The following NAXD variants were observed in gnomAD, a reference collection of about 807,000 sequenced individuals.
NAXD encodes the protein ATP-dependent (S)-NAD(P)H-hydrate dehydratase.
In NAXD, 22 loss-of-function variants were observed where a neutral mutation model predicts 35.8. The ratio of observed to expected loss-of-function variants is 0.62; its 90% CI spans 0.44 to 0.88. The LOEUF is 0.88. Among genes scored for constraint, NAXD ranks in the 40% least tolerant of loss-of-function variants. The probability of loss-of-function intolerance (pLI) is 0.00; values close to 1 mark genes in which losing one functional copy is unlikely to be tolerated. For missense variants in NAXD, 428 were observed against 437.7 expected, an observed-to-expected ratio of 0.98 and a Z score of 0.20; for synonymous variants, 189 against 177.6, an observed-to-expected ratio of 1.06 and a Z score of -0.51.
chr13:110,634,767 T>G lies in NAXD; in HGVS notation c.588T>G (p.Tyr196Ter). The change falls in exon 7 of 10, where the codon TAT (tyrosine) becomes TAG (stop). Residue 196 changes from tyrosine to a stop codon, truncating the protein, a stop_gained. Transcript: ENST00000680254. LOFTEE classifies it high-confidence loss of function. Reference sequence around the variant, plus strand: ...ACCACGTGGAGTTCAGCAGACTGTATGACGCTGTGGTGAGTCAGTGGACCC... The same window carrying G: ...ACCACGTGGAGTTCAGCAGACTGTAGGACGCTGTGGTGAGTCAGTGGACCC... ...TPNHVEFSRL[Y>*]DAVLRGPMDS... is the part of the protein sequence containing the mutation. 6.2e-7 allele frequency: 1 copy of G among 1,612,990 alleles called. No homozygotes were observed. Among genetic ancestry groups the G allele is most frequent in the Non-Finnish European group, 8.5e-7 (1 of 1,179,134 alleles).
rs942518970 is a variant in NAXD, at chr13:110,635,734, A to G, written c.718+146A>G. 6 of 958,700 alleles carry G rather than the reference A, an allele frequency of 6.3e-6. No homozygotes were observed. The Admixed American group carries it at 1.3e-4, about 20-fold the overall frequency. 59.4% of individuals were successfully genotyped at this position (958,700 alleles called of 1,614,324 possible). On this transcript the variant is annotated intron_variant, in intron 8 of 9. Coordinates refer to ENST00000680254, the MANE Select transcript of NAXD (RefSeq NM_001242882.2). ...GATTCCTGATGAGCTCGTCAACCAC[A>G]CTTTCTTCAGAGTCCATGTTTTGAC...
At chr13:110,632,458 C>T (rs909949858) in intron 5 of NAXD, among the ~76,000 whole-genome samples, 13 of 152,252 alleles carry the variant, frequency 8.5e-5, no homozygotes, top group East Asian at 3.9e-4. Flanking sequence ...TTCTCTTATC[C>T]GGCCCCGCCC....
At position 110,625,738 on chromosome 13, in the gene NAXD, G is replaced by A. The variant is rs142623944; in HGVS notation, c.332+460G>A. Reference sequence around the variant, plus strand: ...CCTATGCTATAGAGCTTGCTGTGTGGAGGTGTTCTCTCTGCCGTCCAGGAT... The same window carrying A: ...CCTATGCTATAGAGCTTGCTGTGTGAAGGTGTTCTCTCTGCCGTCCAGGAT... On this transcript the variant is annotated intron_variant, in intron 4 of 9. Coordinates refer to ENST00000680254, the MANE Select transcript of NAXD (RefSeq NM_001242882.2). Among the ~76,000 whole-genome samples, 5 of 152,374 alleles carry A rather than the reference G, an allele frequency of 3.3e-5. 1 individual carries two copies. The highest frequency in any genetic ancestry group is 1.9e-4 in the East Asian group (1 of 5,188).
At chr13:110,615,684 C>T (rs755306024) in intron 1 of NAXD, 37 bp downstream of exon 1, 3 of 1,523,936 alleles carry the variant, frequency 2.0e-6, no homozygotes, top group South Asian at 2.4e-5. Context: ...GATGGTCACA[C>T]GCGCGGGGGC....
At chr13:110,622,757 C>T (rs144263320) in intron 2 of NAXD, among the ~76,000 whole-genome samples, 1 of 152,334 alleles carries the variant, frequency 6.6e-6, no homozygotes, top group African/African-American at 2.4e-5. Flanking sequence ...TGAAATTTGA[C>T]AAATCCCTAG....
At chr13:110,616,237 T>G (rs1886049084) in intron 1 of NAXD, 1 of 165,576 alleles carries the variant, frequency 6.0e-6, no homozygotes, top group South Asian at 2.0e-4. Context: ...GCTGGCCGGC[T>G]GAGCGGGCTT....
chr13:110,635,529 T>A lies in NAXD; in HGVS notation c.659T>A (p.Leu220Gln). Residue 220 changes from leucine to glutamine, a missense_variant, in exon 8 of 10, where the codon CTG becomes CAG. Leu to Gln is a moderately radical substitution (Grantham distance 113). This residue lies in a region of NAXD where 209 missense variants were observed against 214.6 expected (regional missense o/e 0.97). Transcript: ENST00000680254. ...HGSVLRLSQA[L>Q]GNVTVVQKGE... is the part of the protein sequence containing the mutation. ...TCTGTGCTAAGACTCAGCCAAGCCC[T>A]GGGCAACGTGACGGTGGTCCAGAAA... is the stretch of plus-strand genomic sequence containing the variant. The A allele has an allele frequency of 6.2e-7, 1 of 1,614,172 alleles. No individual in the cohort carries two copies. The highest frequency in any genetic ancestry group is 8.5e-7 in the Non-Finnish European group (1 of 1,180,036).
intron 8 of NAXD, among the ~76,000 whole-genome samples, chr13:110,636,040 G>A (rs1262391011): frequency 2.0e-5 from 3 of 152,382 alleles, no homozygotes; most frequent in East Asian, 3.9e-4. Flanking sequence ...GCTGATGCTG[G>A]TAGTGGAATC....
Position 110,628,113 on chromosome 13 carries a change from A to C in NAXD, c.441+566A>C, listed in dbSNP as rs562087067. Among the ~76,000 whole-genome samples, 5 of 152,184 alleles carry C rather than the reference A, an allele frequency of 3.3e-5. No individual in the cohort carries two copies. Among genetic ancestry groups the C allele is most frequent in the Non-Finnish European group, 7.3e-5 (5 of 68,038 alleles). On this transcript the variant is annotated intron_variant, in intron 5 of 9. Transcript: ENST00000680254. This position sits in a 1 kb window ranked among gnomAD's most constrained non-coding sequence, Gnocchi z 4.1. ...CCAAAAGATGAAAGTTATTCTGATC[A>C]CTTTGTGCCTGCTGTAAATAAATAC... is the stretch of plus-strand genomic sequence containing the variant.
At chr13:110,624,155 T>G (rs962893277) in intron 2 of NAXD, 79 bp from the exon 3 acceptor site, 1 of 820,060 alleles carries the variant, frequency 1.2e-6, no homozygotes. Flanking sequence ...TGTCTATTTT[T>G]TATTGATAAC....
chr13:110,616,236 C>T (rs1886048981), intron 1 of NAXD: 2 of 166,884 alleles, frequency 1.2e-5, no homozygotes, highest in African/African-American at 4.8e-5. Flanking sequence ...AGCTGGCCGG[C>T]TGAGCGGGCT....
intron 4 of NAXD, among the ~76,000 whole-genome samples, chr13:110,625,743 G>A (rs1042220265): frequency 7.2e-5 from 11 of 152,276 alleles, no homozygotes; most frequent in Non-Finnish European, 1.2e-4. Context: ...GTGTGGAGGT[G>A]TTCTCTCTGC....
chr13:110,627,588 G>C, intron 5 of NAXD, 41 bp downstream of exon 5: 1 of 1,409,468 alleles, frequency 7.1e-7, no homozygotes, highest in Non-Finnish European at 1.0e-6. Flanking sequence ...GACAGGCTTA[G>C]CCTTAGGCGT....
At chr13:110,632,245 C>T (rs956403202) in intron 5 of NAXD, among the ~76,000 whole-genome samples, 2 of 151,836 alleles carry the variant, frequency 1.3e-5, no homozygotes, top group Non-Finnish European at 2.9e-5. Flanking sequence ...GTTGTTCGTT[C>T]CTCCCGGTGG....
chr13:110,624,023 C>T (rs969046562), intron 2 of NAXD, among the ~76,000 whole-genome samples: 31 of 147,924 alleles, frequency 2.1e-4, no homozygotes, highest in Admixed American at 1.8e-3. Context: ...AAAAAAAAGA[C>T]ATTTCTAGTC....
intron 1 of NAXD, among the ~76,000 whole-genome samples, chr13:110,617,965 C>T (rs1011457591): frequency 7.9e-5 from 12 of 152,110 alleles, no homozygotes; most frequent in African/African-American, 2.4e-4. Flanking sequence ...CTGCAGCTTG[C>T]GGATGGTGCC....
chr13:110,624,386 A>G, intron 3 of NAXD, 107 bp downstream of exon 3: 2 of 747,804 alleles, frequency 2.7e-6, no homozygotes, highest in Non-Finnish European at 4.7e-6. Context: ...ATAATATCTT[A>G]GGGTAATCAT....
At chr13:110,632,585 A>C (rs947425469) in intron 5 of NAXD, among the ~76,000 whole-genome samples, 1 of 152,096 alleles carries the variant, frequency 6.6e-6, no homozygotes, top group Non-Finnish European at 1.5e-5. Flanking sequence ...TTAGTTAGAT[A>C]CAGAGTTTCG....
chr13:110,636,858 C>T (rs1886945302), intron 8 of NAXD, among the ~76,000 whole-genome samples: 1 of 152,220 alleles, frequency 6.6e-6, no homozygotes. Flanking sequence ...TTCCGAGCTG[C>T]AGGTGTCTCC....
Sources: allele counts gnomAD v4.1 joint callset (sites outside exome capture counted in the v4.1 genomes callset), GRCh38; gene constraint gnomAD v4.1.1; regional missense constraint gnomAD v4.1.1; non-coding constraint Gnocchi (gnomAD v3.1); transcripts MANE v1.5; gene names NCBI Gene and HGNC (gene_info 2026-07-23, HGNC 2026-07-21).